The following CASD1 variants were observed in gnomAD, a reference collection of about 807,000 sequenced individuals.
CASD1 encodes the protein N-acetylneuraminate (7)9-O-acetyltransferase.
In CASD1, 41 loss-of-function variants were observed where a neutral mutation model predicts 100.0. That is an observed-to-expected ratio of 0.41 (90% CI 0.32 to 0.53). CASD1 has a LOEUF of 0.53. Among genes scored for constraint, CASD1 ranks in the 20% least tolerant of loss-of-function variants. The pLI, the probability that CASD1 is intolerant of heterozygous loss-of-function variation, is 0.25. For synonymous variants in CASD1, 321 were observed against 315.6 expected, an observed-to-expected ratio of 1.02 and a Z score of -0.18; for missense variants, 774 against 948.7, an observed-to-expected ratio of 0.82 and a Z score of 2.42.
chr7:94,538,345 G>A (rs1795218672), intron 9 of CASD1, among the ~76,000 whole-genome samples: 1 of 152,046 alleles, frequency 6.6e-6, no homozygotes. Flanking sequence ...ACTTAATGAT[G>A]TGGCCACCAC....
the CASD1 span, among the ~76,000 whole-genome samples, chr7:94,586,072 A>AC: frequency 8.7e-5 from 13 of 149,814 alleles, no homozygotes; most frequent in Admixed American, 2.0e-4. Context: ...AAAAAAAAAA[A>AC]AAAAAAAAAA....
chr7:94,626,717 A>G, the CASD1 span: 1 of 151,912 alleles, frequency 6.6e-6, no homozygotes, highest in Non-Finnish European at 1.5e-5. Flanking sequence ...GGGACCTCCA[A>G]TACATTCTGT....
chr7:94,573,819 G>T, the CASD1 span, among the ~76,000 whole-genome samples: 1 of 152,160 alleles, frequency 6.6e-6, no homozygotes, highest in Non-Finnish European at 1.5e-5. Context: ...TTTTTAAGGA[G>T]AATGCTTTCA....
rs1317504942 is a variant in CASD1, at chr7:94,537,541, C to T, written c.913C>T (p.Pro305Ser). The T allele has an allele frequency of 1.9e-6, 3 of 1,613,840 alleles. No homozygotes were observed. The highest frequency in any genetic ancestry group is 3.3e-5 in the Admixed American group (2 of 59,986). Residue 305 changes from proline to serine, a missense_variant, in exon 9 of 18, where the codon CCT (proline) becomes TCT (serine). Transcript: ENST00000297273. ...GCCTGTAGATGGGTCCTGTTGTCAA[C>T]CTCGGCCTCCTGTTACTCTCATACA... ...LKPVDGSCCQ[P>S]RPPVTLIQKL...
chr7:94,537,463 T>C lies in CASD1; in HGVS notation c.844-9T>C. On this transcript the variant is annotated splice_polypyrimidine_tract_variant and intron_variant, in intron 8 of 17. Coordinates refer to ENST00000297273, the MANE Select transcript of CASD1 (RefSeq NM_022900.5). ...AAGATAATAACCAAATAACTTGATT[T>C]GTTCACAGACTGCAATGATTCTTAT... The C allele has an allele frequency of 6.3e-7, 1 of 1,584,732 alleles. No homozygotes were observed. Among genetic ancestry groups the C allele is most frequent in the Non-Finnish European group, 8.6e-7 (1 of 1,167,906 alleles).
chr7:94,602,045 C>A, the CASD1 span, among the ~76,000 whole-genome samples: 2 of 152,050 alleles, frequency 1.3e-5, no homozygotes, highest in Admixed American at 6.6e-5. Flanking sequence ...AGGAGTATAT[C>A]ATTTTTTAAC....
At chr7:94,594,510 A>G in the CASD1 span, 1 of 152,088 alleles carries the variant, frequency 6.6e-6, no homozygotes, top group African/African-American at 2.4e-5. Context: ...TGAGGAGACT[A>G]AGGAGACATA....
At chr7:94,534,278 C>T (rs140064293) in intron 7 of CASD1, among the ~76,000 whole-genome samples, 1,827 of 151,208 alleles carry the variant, frequency 0.012, 32 homozygotes, top group African/African-American at 0.042. Flanking sequence ...GCGATCCTTC[C>T]GCCTCAGCCT....
chr7:94,543,501 A>G (rs1054359255), intron 10 of CASD1, among the ~76,000 whole-genome samples: 1 of 152,136 alleles, frequency 6.6e-6, no homozygotes, highest in Non-Finnish European at 1.5e-5. Context: ...TAAAAATACA[A>G]AAAGTTAGCT....
chr7:94,532,716 T>C (rs1387014064), intron 5 of CASD1, among the ~76,000 whole-genome samples: 1 of 152,204 alleles, frequency 6.6e-6, no homozygotes, highest in Non-Finnish European at 1.5e-5. Flanking sequence ...TTTTTCCACA[T>C]GTGGTCTTTA....
the CASD1 span, among the ~76,000 whole-genome samples, chr7:94,571,848 G>A: frequency 6.9e-6 from 1 of 145,892 alleles, no homozygotes; most frequent in South Asian, 2.2e-4. Context: ...GTGTATGACT[G>A]TACAACCTTT....
chr7:94,619,055 C>T, the CASD1 span: 5 of 854,388 alleles, frequency 5.9e-6, no homozygotes, highest in African/African-American at 8.3e-5. Flanking sequence ...CTGTCATAAT[C>T]CTGGCAGCAG....
chr7:94,588,086 T>C, the CASD1 span: 1 of 1,237,334 alleles, frequency 8.1e-7, no homozygotes, highest in Non-Finnish European at 1.0e-6. Context: ...ATCTACTCAG[T>C]ATAGAGATGA....
the CASD1 span, among the ~76,000 whole-genome samples, chr7:94,565,481 A>G: frequency 6.6e-6 from 1 of 152,072 alleles, no homozygotes; most frequent in Non-Finnish European, 1.5e-5. Context: ...TCAGCTTCTC[A>G]TCCTCCATCT....
intron 10 of CASD1, among the ~76,000 whole-genome samples, chr7:94,540,763 G>C (rs1167265500): frequency 6.6e-6 from 1 of 152,104 alleles, no homozygotes; most frequent in African/African-American, 2.4e-5. Flanking sequence ...CATGAAAATT[G>C]AATCCTAAGA....
At chr7:94,536,060 T>TG (rs2116328243) in intron 8 of CASD1, among the ~76,000 whole-genome samples, 2 of 152,262 alleles carry the variant, frequency 1.3e-5, no homozygotes, top group Non-Finnish European at 2.9e-5. Flanking sequence ...CTGGCTAACA[T>TG]GGGGAAACCC....
the CASD1 span, among the ~76,000 whole-genome samples, chr7:94,609,961 T>TC: frequency 3.3e-5 from 5 of 152,134 alleles, no homozygotes; most frequent in African/African-American, 1.2e-4. Flanking sequence ...AACCAAGATG[T>TC]CCTCCAGTAG....
chr7:94,598,066 C>G, the CASD1 span: 1 of 157,838 alleles, frequency 6.3e-6, no homozygotes, highest in Non-Finnish European at 1.4e-5. Flanking sequence ...ACCCACCATT[C>G]CCTTATATAA....
chr7:94,616,106 TA>T, the CASD1 span, among the ~76,000 whole-genome samples: 5 of 151,826 alleles, frequency 3.3e-5, no homozygotes, highest in African/African-American at 9.7e-5. Context: ...CTGCAGAGAT[TA>T]AAAAAAATGC....
Sources: allele counts gnomAD v4.1 joint callset (sites outside exome capture counted in the v4.1 genomes callset), GRCh38; gene constraint gnomAD v4.1.1; transcripts MANE v1.5; gene names NCBI Gene and HGNC (gene_info 2026-07-23, HGNC 2026-07-21).